The following CPB1 variants were observed in gnomAD, a reference collection of about 807,000 sequenced individuals.
CPB1 encodes the protein carboxypeptidase B1, also known as carboxypeptidase B.
Under a neutral mutation model 51.4 loss-of-function variants are expected in CPB1, and 53 were observed. That is an observed-to-expected ratio of 1.03 (90% CI 0.83 to 1.30). The LOEUF (loss-of-function observed/expected upper bound fraction) is 1.30. Among genes scored for constraint, CPB1 ranks in the 50% most tolerant of loss-of-function variants. CPB1 has a pLI of 0.00. For missense variants in CPB1, 494 were observed against 516.2 expected (o/e 0.96, Z 0.42); for synonymous variants, 189 against 186.9 (o/e 1.01, Z -0.09).
Position 148,836,460 on chromosome 3 carries a change from G to A in CPB1, c.272+1838G>A, listed in dbSNP as rs552331152. Among the ~76,000 whole-genome samples, 10 of 152,232 alleles carry A rather than the reference G, an allele frequency of 6.6e-5. No individual in the cohort carries two copies. The South Asian group carries it at 1.2e-3, about 19-fold the overall frequency. ...TTCTTTAAGAAAAACAAAGATCAGC[G>A]ACCATAGATTAACCCTAGCTACCTG... On this transcript the variant is annotated intron_variant, in intron 3 of 10. Coordinates refer to ENST00000282957, the MANE Select transcript of CPB1 (RefSeq NM_001871.3).
chr3:148,860,130 A>C lies in CPB1; in HGVS notation c.*128A>C. 1.2e-6 allele frequency: 1 copy of C among 821,088 alleles called. No homozygotes were observed. The highest frequency in any genetic ancestry group is 1.9e-6 in the Non-Finnish European group (1 of 522,858). The allele number at this position is 821,088 out of a possible 1,614,324, so 50.9% of individuals were successfully genotyped here. ...TTCTTTTAAGCTTCTGGGTCTATTA[A>C]ACTAGGTAGATCTTTTCGTATTGAT... is the stretch of plus-strand genomic sequence containing the variant. On this transcript the variant is annotated 3_prime_UTR_variant, in exon 11 of 11. Coordinates refer to ENST00000282957, the MANE Select transcript of CPB1 (RefSeq NM_001871.3).
intron 3 of CPB1, among the ~76,000 whole-genome samples, chr3:148,836,347 T>C (rs917974928): frequency 2.6e-5 from 4 of 152,214 alleles, no homozygotes; most frequent in African/African-American, 7.2e-5. Context: ...CTATAACATT[T>C]TGCTCTTTTT....
At position 148,845,569 on chromosome 3, in the gene CPB1, A is replaced by AATG; in HGVS notation, c.930_932dup (p.Met310dup). 1 of 1,613,946 alleles carries AATG rather than the reference A, an allele frequency of 6.2e-7. No individual in the cohort carries two copies. On this transcript the variant is annotated inframe_insertion, in exon 9 of 11. Coordinates refer to ENST00000282957, the MANE Select transcript of CPB1 (RefSeq NM_001871.3). The stretch of plus-strand genomic sequence containing the variant: ...ATCTGACAATCCACTCGTACTCCCA[A>AATG]ATGATGATCTACCCTTACTCATATG...
intron 5 of CPB1, 28 bp from the exon 6 acceptor site, chr3:148,841,795 G>A (rs1713093362): frequency 6.3e-7 from 1 of 1,588,720 alleles, no homozygotes; most frequent in Admixed American, 1.7e-5. Context: ...ATGAATCATG[G>A]TTTCCCTTTT....
rs538982112 is a variant in CPB1 at position 148,843,679 on chromosome 3, A to G, written c.577-799A>G. ...AACAGTATATAAAAACTGTTCACAC[A>G]TAGAAGTCTAATCTACTTTAAAGTT... On this transcript the variant is annotated intron_variant, in intron 6 of 10. Coordinates refer to ENST00000282957, the MANE Select transcript of CPB1 (RefSeq NM_001871.3). 1.3e-3 allele frequency among the ~76,000 whole-genome samples: 199 copies of G among 152,306 alleles called. 1 individual carries two copies. Among genetic ancestry groups the G allele is most frequent in the Middle Eastern group, 3.4e-3 (1 of 294 alleles).
chr3:148,829,799 A>G (rs996415367), intron 2 of CPB1, among the ~76,000 whole-genome samples: 1 of 152,180 alleles, frequency 6.6e-6, no homozygotes, highest in Non-Finnish European at 1.5e-5. Context: ...CATATTTATC[A>G]TGAATCTCCA....
In CPB1 at chr3:148,844,645, A is replaced by G. The variant is rs77369355; in HGVS notation, c.688-32A>G. 4.9e-3 allele frequency: 7,854 copies of G among 1,612,510 alleles called. 121 individuals are homozygous for G. In the Admixed American group the frequency reaches 0.05, roughly 10 times the overall value. ...AAATTAAAACCAACGCCTCTCTATT[A>G]TATTTGTCCTAACTATGTAGTCCAC... On this transcript the variant is annotated intron_variant, in intron 7 of 10. Coordinates refer to ENST00000282957, the MANE Select transcript of CPB1 (RefSeq NM_001871.3).
In CPB1 at chr3:148,844,499, G is replaced by A. The variant is rs1440549841; in HGVS notation, c.598G>A (p.Glu200Lys). 1 of 1,613,734 alleles carries A rather than the reference G, an allele frequency of 6.2e-7. No homozygotes were observed. Among genetic ancestry groups the A allele is most frequent in the Non-Finnish European group, 8.5e-7 (1 of 1,179,736 alleles). The change falls in exon 7 of 11, where the codon GAG becomes AAG. Residue 200 changes from glutamate (E) to lysine (K), a missense_variant. Glu to Lys is a moderately conservative substitution (Grantham distance 56). Coordinates refer to ENST00000282957, the MANE Select transcript of CPB1 (RefSeq NM_001871.3). ...VREAVRTYGREIQVTELLDKL... is the reference protein window; with the variant it reads ...VREAVRTYGRKIQVTELLDKL... ...ACAGGCTGTTCGTACCTATGGACGT[G>A]AGATCCAAGTGACAGAGCTTCTCGA...
At chr3:148,849,828 G>A (rs1180062524) in intron 9 of CPB1, among the ~76,000 whole-genome samples, 1 of 152,246 alleles carries the variant, frequency 6.6e-6, no homozygotes, top group Non-Finnish European at 1.5e-5. Context: ...GCTTGGCGAA[G>A]CCAACACTAG....
chr3:148,854,850 G>T (rs1054554723), intron 9 of CPB1: 19 of 152,110 alleles, frequency 1.2e-4, no homozygotes, highest in Non-Finnish European at 2.2e-4. Flanking sequence ...AAAAGGAGAG[G>T]GGCTCAATGC....
intron 8 of CPB1, among the ~76,000 whole-genome samples, chr3:148,845,020 T>A (rs144847952): frequency 1.1e-4 from 17 of 152,030 alleles, no homozygotes; most frequent in Non-Finnish European, 1.8e-4. Flanking sequence ...CTACTACTCA[T>A]GGAATGTATA....
chr3:148,845,847 C>T (rs1175536763), intron 9 of CPB1, among the ~76,000 whole-genome samples: 1 of 152,116 alleles, frequency 6.6e-6, no homozygotes, highest in Non-Finnish European at 1.5e-5. Context: ...GATTTATTGA[C>T]TAATCTTCAA....
chr3:148,836,843 G>A (rs1712920109), intron 3 of CPB1, among the ~76,000 whole-genome samples: 1 of 152,128 alleles, frequency 6.6e-6, no homozygotes, highest in South Asian at 2.1e-4. Context: ...GTATTTAGAC[G>A]ATTTCCTGCT....
chr3:148,842,258 T>C (rs1443406709), intron 6 of CPB1, among the ~76,000 whole-genome samples: 1 of 152,126 alleles, frequency 6.6e-6, no homozygotes, highest in African/African-American at 2.4e-5. Flanking sequence ...ATTTCACTCA[T>C]CTGAACTTTC....
At chr3:148,834,265 T>G (rs986622820) in intron 2 of CPB1, among the ~76,000 whole-genome samples, 2 of 152,218 alleles carry the variant, frequency 1.3e-5, no homozygotes, top group African/African-American at 4.8e-5. Flanking sequence ...TGATTCTATG[T>G]TTTTTCATGT....
intron 9 of CPB1, among the ~76,000 whole-genome samples, chr3:148,852,896 C>G (rs1382949517): frequency 6.6e-6 from 1 of 152,318 alleles, no homozygotes; most frequent in East Asian, 1.9e-4. Context: ...TTGCCCTTCT[C>G]TAATCTCAGG....
intron 6 of CPB1, among the ~76,000 whole-genome samples, chr3:148,843,427 T>C (rs1713148338): frequency 6.6e-6 from 1 of 152,082 alleles, no homozygotes; most frequent in Admixed American, 6.6e-5. Context: ...TACATATTTG[T>C]TATGTAGTCT....
At chr3:148,841,048 G>C in intron 5 of CPB1, 73 bp downstream of exon 5, 2 of 1,240,170 alleles carry the variant, frequency 1.6e-6, no homozygotes, top group Non-Finnish European at 2.3e-6. Context: ...ATGAACATCT[G>C]TTTCACAGAC....
intron 6 of CPB1, 53 bp downstream of exon 6, chr3:148,841,977 A>G (rs1217777783): frequency 6.3e-6 from 8 of 1,279,362 alleles, no homozygotes; most frequent in African/African-American, 4.4e-5. Context: ...TTAATTTTCA[A>G]TTAATTCCTT....
Sources: allele counts gnomAD v4.1 joint callset (sites outside exome capture counted in the v4.1 genomes callset), GRCh38; gene constraint gnomAD v4.1.1; transcripts MANE v1.5; gene names NCBI Gene and HGNC (gene_info 2026-07-23, HGNC 2026-07-21).